PXDNL: variants seen among roughly 807,000 people sequenced by gnomAD.
PXDNL encodes the protein probable oxidoreductase PXDNL.
Under a neutral mutation model 150.8 loss-of-function variants are expected in PXDNL, and 145 were observed. That is an observed-to-expected ratio of 0.96 (90% confidence interval 0.84 to 1.10). PXDNL has a LOEUF of 1.10. PXDNL is among the 50% of genes least tolerant of loss of function. The pLI is 0.00. For missense variants in PXDNL, 2,087 were observed against 1,873.9 expected, an observed-to-expected ratio of 1.11 and a Z score of -2.10; for synonymous variants, 757 against 725.7, an observed-to-expected ratio of 1.04 and a Z score of -0.69.
chr8:51,490,229 T>C (rs1271098351), intron 5 of PXDNL, among the ~76,000 whole-genome samples: 1 of 152,138 alleles, frequency 6.6e-6, no homozygotes, highest in Non-Finnish European at 1.5e-5. Context: ...ATTAAGACAA[T>C]TATTTTTGAA....
chr8:51,439,834 A>C (rs1328139877), intron 12 of PXDNL, among the ~76,000 whole-genome samples: 1 of 151,504 alleles, frequency 6.6e-6, no homozygotes, highest in Non-Finnish European at 1.5e-5. Context: ...CAAAAAAAAA[A>C]AAAAAAAAAG....
Position 51,364,214 on chromosome 8 carries a change from C to A in PXDNL, c.3901+7659G>T, listed in dbSNP as rs565986274. On this transcript the variant is annotated intron_variant, in intron 19 of 22. Coordinates refer to ENST00000356297, the MANE Select transcript of PXDNL (RefSeq NM_144651.5). Reference sequence around the variant, plus strand: ...CTTTACATGGTGATCTGACTGAGCACAATCTAGAACCTGAAGACTGAATTT... The same window carrying A: ...CTTTACATGGTGATCTGACTGAGCAAAATCTAGAACCTGAAGACTGAATTT... 2.6e-5 allele frequency among the ~76,000 whole-genome samples: 4 copies of A among 152,304 alleles called. 1 individual carries two copies. In the South Asian group the frequency reaches 8.3e-4, roughly 32 times the overall value.
chr8:51,735,233 C>T (rs1046182458), intron 1 of PXDNL, among the ~76,000 whole-genome samples: 7 of 152,038 alleles, frequency 4.6e-5, no homozygotes, highest in African/African-American at 1.7e-4. Flanking sequence ...GTAATCCCAG[C>T]ACTTTGGGAT....
chr8:51,765,465 C>T (rs1227792476), intron 1 of PXDNL, among the ~76,000 whole-genome samples: 1 of 152,172 alleles, frequency 6.6e-6, no homozygotes, highest in Non-Finnish European at 1.5e-5. Context: ...ATGTCTTTAT[C>T]AGCAGCATGA....
At position 51,409,119 on chromosome 8, in the gene PXDNL, G is replaced by A; in HGVS notation, c.2505C>T (p.Val835=). Reference sequence around the variant, plus strand: ...GGAAACAAGGAGGGTCGTTGGTGCAGACGGAGCTGCACGGCCGCCCATCCG... The same window carrying A: ...GGAAACAAGGAGGGTCGTTGGTGCAAACGGAGCTGCACGGCCGCCCATCCG... ...RFSDGRPCSS[V]CTNDPPCFPM... is the part of the protein sequence containing the mutation. The change falls in exon 17 of 23, where the codon GTC becomes GTT. Residue 835 remains valine (V), a synonymous_variant. Transcript: ENST00000356297. 1 of 1,607,828 alleles carries A rather than the reference G, an allele frequency of 6.2e-7. No homozygotes were observed. The highest frequency in any genetic ancestry group is 8.5e-7 in the Non-Finnish European group (1 of 1,179,228).
chr8:51,452,935 A>AACAC (rs146990384), intron 10 of PXDNL, among the ~76,000 whole-genome samples: 3 of 142,566 alleles, frequency 2.1e-5, no homozygotes, highest in African/African-American at 8.1e-5. Flanking sequence ...CACACACACA[A>AACAC]ACACACACAC....
At chr8:51,391,955 A>G (rs1222758113) in intron 17 of PXDNL, among the ~76,000 whole-genome samples, 2 of 152,258 alleles carry the variant, frequency 1.3e-5, no homozygotes, top group East Asian at 1.9e-4. Context: ...CTTTCTACAT[A>G]TGACTAGCCA....
At chr8:51,413,884 A>C (rs1364706018) in intron 14 of PXDNL, among the ~76,000 whole-genome samples, 3 of 152,178 alleles carry the variant, frequency 2.0e-5, no homozygotes, top group African/African-American at 7.2e-5. Flanking sequence ...AAATAAAAAT[A>C]ATTACGAATG....
intron 1 of PXDNL, among the ~76,000 whole-genome samples, chr8:51,769,243 C>T (rs1169053379): frequency 2.0e-5 from 3 of 152,184 alleles, no homozygotes; most frequent in Non-Finnish European, 4.4e-5. Flanking sequence ...GCTAACTGCT[C>T]CTCAGAATTT....
chr8:51,630,859 G>A (rs144988384), intron 2 of PXDNL, among the ~76,000 whole-genome samples: 56 of 152,242 alleles, frequency 3.7e-4, no homozygotes, highest in African/African-American at 1.3e-3. Context: ...AGCCATTGGG[G>A]AAAGCAGTGT....
intron 2 of PXDNL, among the ~76,000 whole-genome samples, chr8:51,639,210 A>T (rs943477827): frequency 2.0e-5 from 3 of 152,228 alleles, no homozygotes; most frequent in Non-Finnish European, 4.4e-5. Flanking sequence ...CAGTGTGTAG[A>T]GGGAAATTTA....
intron 2 of PXDNL, among the ~76,000 whole-genome samples, chr8:51,640,129 T>C (rs372402096): frequency 6.6e-6 from 1 of 151,702 alleles, no homozygotes; most frequent in African/African-American, 2.4e-5. Context: ...TAGATGCAGA[T>C]AAGGCCTTTG....
At chr8:51,678,725 C>A (rs936992084) in intron 1 of PXDNL, among the ~76,000 whole-genome samples, 1 of 117,690 alleles carries the variant, frequency 8.5e-6, no homozygotes, top group Non-Finnish European at 1.7e-5. Flanking sequence ...TGTGGGGTGG[C>A]GGGGTGGGGG....
At chr8:51,747,870 G>A (rs1347621303) in intron 1 of PXDNL, among the ~76,000 whole-genome samples, 1 of 152,218 alleles carries the variant, frequency 6.6e-6, no homozygotes, top group African/African-American at 2.4e-5. Context: ...AGTAGGGAAA[G>A]AGCTCATTCT....
At chr8:51,605,408 T>A (rs1338457217) in intron 2 of PXDNL, among the ~76,000 whole-genome samples, 4 of 151,970 alleles carry the variant, frequency 2.6e-5, no homozygotes, top group African/African-American at 9.7e-5. Flanking sequence ...GGTCATATGC[T>A]TTATGTAATT....
At chr8:51,766,433 CT>C (rs1157819655) in intron 1 of PXDNL, among the ~76,000 whole-genome samples, 1 of 152,132 alleles carries the variant, frequency 6.6e-6, no homozygotes, top group Non-Finnish European at 1.5e-5. Context: ...CTTTGCAGTG[CT>C]TTTTCTTTGT....
rs538863666 is a variant in PXDNL, at chr8:51,712,765, G to A, written c.165-58005C>T. 8.7e-4 allele frequency among the ~76,000 whole-genome samples: 132 copies of A among 152,122 alleles called. 2 individuals carry two copies. Among genetic ancestry groups the A allele is most frequent in the Non-Finnish European group, 7.6e-4 (52 of 67,986 alleles). Reference sequence around the variant, plus strand: ...CAATGCTCAGGAAACTGTATAATTGGGTTTATTGAATTCCTGGCAACTGTT... The same window carrying A: ...CAATGCTCAGGAAACTGTATAATTGAGTTTATTGAATTCCTGGCAACTGTT... On this transcript the variant is annotated intron_variant, in intron 1 of 22. Transcript: ENST00000356297.
intron 1 of PXDNL, among the ~76,000 whole-genome samples, chr8:51,667,510 T>C (rs909669939): frequency 6.6e-6 from 1 of 152,240 alleles, no homozygotes; most frequent in Non-Finnish European, 1.5e-5. Context: ...TTCACCAATT[T>C]GATATTTTTC....
At chr8:51,553,278 T>C (rs946026750) in intron 4 of PXDNL, among the ~76,000 whole-genome samples, 2 of 152,278 alleles carry the variant, frequency 1.3e-5, no homozygotes, top group African/African-American at 2.4e-5. Context: ...AGCTCAATAG[T>C]TCTGGGATCT....
Sources: gnomAD v4.1 joint callset for allele counts (sites outside exome capture counted in the v4.1 genomes callset) on GRCh38, gnomAD v4.1.1 for gene constraint, MANE v1.5 for transcripts, NCBI Gene and HGNC (gene_info 2026-07-23, HGNC 2026-07-21) for gene names.